The following RFPL1 variants were observed in gnomAD, a reference collection of about 807,000 sequenced individuals.
RFPL1 encodes the protein ret finger protein like 1.
Under a neutral mutation model 9.6 loss-of-function variants are expected in RFPL1, and 6 were observed. The observed-to-expected ratio is 0.62, with a 90% CI of 0.34 to 1.23. RFPL1 has a LOEUF of 1.23. Ranked by LOEUF, RFPL1 falls within the 50% of genes most tolerant of loss-of-function variation. The probability of loss-of-function intolerance (pLI) is 0.03; values close to 1 mark genes in which losing one functional copy is unlikely to be tolerated. For synonymous variants in RFPL1, 145 were observed against 149.4 expected (o/e 0.97, Z 0.22); for missense variants, 352 against 398.4 (o/e 0.88, Z 0.99).
At chr22:29,409,233 AGTC>A in the RFPL1 span, among the ~76,000 whole-genome samples, 2 of 152,078 alleles carry the variant, frequency 1.3e-5, no homozygotes, top group Admixed American at 1.3e-4. Context: ...CCCCACTAGT[AGTC>A]ACTCCTGTTT....
At chr22:29,394,382 G>A in the RFPL1 span, among the ~76,000 whole-genome samples, 7 of 151,890 alleles carry the variant, frequency 4.6e-5, no homozygotes, top group African/African-American at 1.7e-4. Flanking sequence ...TCGCTGTGTC[G>A]TCCAGGCTGG....
chr22:29,438,743 C>G (rs1435895802), exon 1 of RFPL1: 1 of 1,589,080 alleles, frequency 6.3e-7, no homozygotes, highest in South Asian at 1.2e-5. Flanking sequence ...TGTTTGTACT[C>G]ATGGTCTTGT....
At chr22:29,430,387 T>G in the RFPL1 span, among the ~76,000 whole-genome samples, 1 of 152,194 alleles carries the variant, frequency 6.6e-6, no homozygotes, top group Admixed American at 6.5e-5. Flanking sequence ...TAAACAAATG[T>G]ATCCATACAT....
chr22:29,422,194 T>C, the RFPL1 span, among the ~76,000 whole-genome samples: 1 of 152,208 alleles, frequency 6.6e-6, no homozygotes, highest in Non-Finnish European at 1.5e-5. Flanking sequence ...GTGTAGCTAC[T>C]CAATAGACTC....
the RFPL1 span, among the ~76,000 whole-genome samples, chr22:29,409,035 G>A: frequency 6.6e-6 from 1 of 151,878 alleles, no homozygotes; most frequent in Non-Finnish European, 1.5e-5. Context: ...TGCAGAGAAA[G>A]TCGAAAGCCC....
chr22:29,437,168 T>C (rs1287906531), upstream of RFPL1: 1 of 158,752 alleles, frequency 6.3e-6, no homozygotes, highest in East Asian at 1.9e-4. Context: ...TCCAATTTTT[T>C]CCTATGAATT....
chr22:29,397,536 G>A, the RFPL1 span, among the ~76,000 whole-genome samples: 2 of 150,890 alleles, frequency 1.3e-5, no homozygotes, highest in African/African-American at 2.5e-5. Flanking sequence ...CCTGCCGACC[G>A]ATGGGCCAAA....
rs779087751 is a variant in RFPL1, at chr22:29,441,806, G to A, written c.638G>A (p.Arg213His). Residue 213 changes from arginine (R) to histidine (H), a missense_variant, in exon 2 of 2, where the codon CGT (arginine) becomes CAT (histidine). Transcript: ENST00000354373. ...GGGAGGATCCATCTGACCACAGAGC[G>A]TGGATTCTGGACTGTGAGTTTGAGG... 18 of 1,613,842 alleles carry A rather than the reference G, an allele frequency of 1.1e-5. No individual in the cohort carries two copies. Among genetic ancestry groups the A allele is most frequent in the East Asian group, 4.5e-5 (2 of 44,894 alleles).
chr22:29,408,678 T>G, the RFPL1 span, among the ~76,000 whole-genome samples: 1 of 152,342 alleles, frequency 6.6e-6, no homozygotes. Flanking sequence ...GGCCTCAGTG[T>G]CATGGACTCT....
At chr22:29,399,314 G>T in the RFPL1 span, among the ~76,000 whole-genome samples, 11 of 151,328 alleles carry the variant, frequency 7.3e-5, no homozygotes, top group Non-Finnish European at 1.6e-4. Flanking sequence ...TCCCAGTATA[G>T]TCCTGCTTAG....
At chr22:29,403,653 A>G in the RFPL1 span, among the ~76,000 whole-genome samples, 4 of 152,240 alleles carry the variant, frequency 2.6e-5, no homozygotes, top group Non-Finnish European at 5.9e-5. Context: ...AGTGATAAAT[A>G]GAGAAGTCAC....
chr22:29,426,103 G>A, the RFPL1 span, among the ~76,000 whole-genome samples: 1 of 151,972 alleles, frequency 6.6e-6, no homozygotes, highest in Non-Finnish European at 1.5e-5. Context: ...CGGGCGGATC[G>A]CCTGAGGTCA....
the RFPL1 span, among the ~76,000 whole-genome samples, chr22:29,390,462 A>G: frequency 7.9e-5 from 12 of 152,276 alleles, no homozygotes; most frequent in East Asian, 2.3e-3. Flanking sequence ...TGAGTCCCAT[A>G]TACCCTTCAC....
At chr22:29,423,626 T>C in the RFPL1 span, among the ~76,000 whole-genome samples, 3 of 152,228 alleles carry the variant, frequency 2.0e-5, no homozygotes, top group African/African-American at 7.2e-5. Flanking sequence ...TGCTCAGCAC[T>C]GTCCTAAATG....
the RFPL1 span, among the ~76,000 whole-genome samples, chr22:29,392,381 T>C: frequency 0.014 from 708 of 50,278 alleles, 4 homozygotes; most frequent in Non-Finnish European, 0.018. Context: ...CACCTGGCTT[T>C]TTTTTTTTTT....
chr22:29,391,659 GA>G, the RFPL1 span, among the ~76,000 whole-genome samples: 1 of 152,176 alleles, frequency 6.6e-6, no homozygotes, highest in South Asian at 2.1e-4. Flanking sequence ...ACTTCCTGGG[GA>G]AGATGGCATT....
the RFPL1 span, among the ~76,000 whole-genome samples, chr22:29,393,444 G>A: frequency 6.6e-6 from 1 of 152,332 alleles, no homozygotes; most frequent in African/African-American, 2.4e-5. Flanking sequence ...GCTTGCAGAG[G>A]TGGGTGACAG....
At chr22:29,412,901 G>A in the RFPL1 span, among the ~76,000 whole-genome samples, 2 of 152,092 alleles carry the variant, frequency 1.3e-5, no homozygotes, top group Non-Finnish European at 2.9e-5. Flanking sequence ...CTGTGATCTT[G>A]TCTAGACAGG....
chr22:29,414,523 A>C, the RFPL1 span, among the ~76,000 whole-genome samples: 1 of 152,180 alleles, frequency 6.6e-6, no homozygotes, highest in African/African-American at 2.4e-5. Flanking sequence ...AGTTGAGCAG[A>C]CCAATTATTA....
Sources: allele counts gnomAD v4.1 joint callset (sites outside exome capture counted in the v4.1 genomes callset), GRCh38; gene constraint gnomAD v4.1.1; transcripts MANE v1.5; gene names NCBI Gene and HGNC (gene_info 2026-07-23, HGNC 2026-07-21).